The following EPHA6 variants were observed in gnomAD, a reference collection of about 807,000 sequenced individuals.
EPHA6 encodes the protein EPH receptor A6.
In EPHA6, 50 loss-of-function variants were observed where a neutral mutation model predicts 112.0. The ratio of observed to expected loss-of-function variants is 0.45; its 90% CI spans 0.36 to 0.56. EPHA6 has a LOEUF of 0.56. Among genes scored for constraint, EPHA6 ranks in the 20% least tolerant of loss-of-function variants. The probability of loss-of-function intolerance (pLI) is 0.00; values close to 1 mark genes in which losing one functional copy is unlikely to be tolerated. For synonymous variants in EPHA6, 529 were observed against 490.7 expected, an observed-to-expected ratio of 1.08 and a Z score of -1.03; for missense variants, 1,280 against 1,417.4, an observed-to-expected ratio of 0.90 and a Z score of 1.56.
chr3:97,420,446 C>T (rs555570162), intron 6 of EPHA6, among the ~76,000 whole-genome samples: 257 of 152,040 alleles, frequency 1.7e-3, no homozygotes, highest in African/African-American at 6.0e-3. Context: ...TGAAAACTTA[C>T]ACAAACTAGA....
intron 7 of EPHA6, among the ~76,000 whole-genome samples, chr3:97,449,843 A>C (rs1252448174): frequency 6.6e-6 from 1 of 152,106 alleles, no homozygotes; most frequent in Non-Finnish European, 1.5e-5. Context: ...ATAGTTTTTC[A>C]GTTTATCACT....
intron 2 of EPHA6, among the ~76,000 whole-genome samples, chr3:96,893,557 G>T (rs1261616512): frequency 1.3e-5 from 2 of 152,206 alleles, no homozygotes; most frequent in Non-Finnish European, 2.9e-5. Context: ...TTGCACACCA[G>T]TCAGGCGTGT....
intron 11 of EPHA6, among the ~76,000 whole-genome samples, chr3:97,585,987 G>A (rs2093484183): frequency 6.6e-6 from 1 of 152,204 alleles, no homozygotes; most frequent in African/African-American, 2.4e-5. Flanking sequence ...CCCATTCTAA[G>A]CCAAATTGAA....
chr3:97,471,522 G>A (rs1560043512), intron 7 of EPHA6, among the ~76,000 whole-genome samples: 1 of 151,628 alleles, frequency 6.6e-6, no homozygotes, highest in Non-Finnish European at 1.5e-5. Context: ...ATATTTCTGA[G>A]CTTTGGTCCA....
intron 5 of EPHA6, among the ~76,000 whole-genome samples, chr3:97,347,167 T>C (rs1394781526): frequency 6.6e-6 from 1 of 152,170 alleles, no homozygotes; most frequent in Non-Finnish European, 1.5e-5. Flanking sequence ...CTGTAGGATT[T>C]ATCATCCAGA....
chr3:97,021,313 C>T (rs1259929060), intron 3 of EPHA6, among the ~76,000 whole-genome samples: 1 of 152,088 alleles, frequency 6.6e-6, no homozygotes, highest in Non-Finnish European at 1.5e-5. Flanking sequence ...AGGGTCATGG[C>T]TCAGGATGAC....
intron 3 of EPHA6, among the ~76,000 whole-genome samples, chr3:97,149,685 A>G (rs1283830817): frequency 6.6e-6 from 1 of 151,948 alleles, no homozygotes; most frequent in Admixed American, 6.6e-5. Flanking sequence ...CTATATGTTT[A>G]TAACAAATCT....
At chr3:97,065,528 A>G (rs1412825233) in intron 3 of EPHA6, among the ~76,000 whole-genome samples, 1 of 151,994 alleles carries the variant, frequency 6.6e-6, no homozygotes, top group African/African-American at 2.4e-5. Context: ...CTACAATTCA[A>G]CTCATTGCAT....
intron 5 of EPHA6, among the ~76,000 whole-genome samples, chr3:97,305,139 A>G (rs1425866341): frequency 6.6e-6 from 1 of 152,086 alleles, no homozygotes; most frequent in Non-Finnish European, 1.5e-5. Flanking sequence ...AAAGCTCAAC[A>G]TCACTGATCA....
At chr3:96,825,790 A>T (rs1336336298) in intron 1 of EPHA6, among the ~76,000 whole-genome samples, 1 of 151,918 alleles carries the variant, frequency 6.6e-6, no homozygotes, top group Non-Finnish European at 1.5e-5. Flanking sequence ...GAAAACTATC[A>T]ATCTAGTTTC....
chr3:96,948,658 A>G (rs1464985256), intron 2 of EPHA6, among the ~76,000 whole-genome samples: 1 of 152,162 alleles, frequency 6.6e-6, no homozygotes, highest in Admixed American at 6.6e-5. Flanking sequence ...ATCTTCAGGT[A>G]TGCCTCCTTT....
At chr3:96,881,429 A>C (rs141169149) in intron 2 of EPHA6, among the ~76,000 whole-genome samples, 4 of 152,166 alleles carry the variant, frequency 2.6e-5, no homozygotes, top group Non-Finnish European at 4.4e-5. Flanking sequence ...TTAAAAAACT[A>C]TCAGGTCTCC....
At chr3:96,889,602 A>G (rs1390197310) in intron 2 of EPHA6, among the ~76,000 whole-genome samples, 1 of 152,196 alleles carries the variant, frequency 6.6e-6, no homozygotes, top group Non-Finnish European at 1.5e-5. Flanking sequence ...ATCTCCCACC[A>G]GGTTCCTCCC....
At chr3:97,518,413 T>A (rs1241657535) in intron 10 of EPHA6, among the ~76,000 whole-genome samples, 1 of 152,146 alleles carries the variant, frequency 6.6e-6, no homozygotes, top group South Asian at 2.1e-4. Flanking sequence ...TAAATAGTGC[T>A]GCAATAAACA....
chr3:97,213,279 G>A (rs1415359574), intron 3 of EPHA6, among the ~76,000 whole-genome samples: 1 of 152,100 alleles, frequency 6.6e-6, no homozygotes, highest in African/African-American at 2.4e-5. Flanking sequence ...GTGAGAGGAG[G>A]ACAGAGAGAA....
intron 5 of EPHA6, among the ~76,000 whole-genome samples, chr3:97,272,582 G>T (rs1331635779): frequency 2.6e-5 from 4 of 151,946 alleles, no homozygotes; most frequent in Non-Finnish European, 4.4e-5. Flanking sequence ...GGAGCTAGGG[G>T]TAAGGCCGTT....
intron 5 of EPHA6, among the ~76,000 whole-genome samples, chr3:97,341,492 T>A (rs1303661513): frequency 6.6e-6 from 1 of 152,026 alleles, no homozygotes; most frequent in East Asian, 1.9e-4. Flanking sequence ...GTAGCTGGGA[T>A]TACAGGTGCC....
At chr3:97,301,753 A>G (rs777449350) in intron 5 of EPHA6, among the ~76,000 whole-genome samples, 3 of 152,148 alleles carry the variant, frequency 2.0e-5, no homozygotes, top group Non-Finnish European at 2.9e-5. Flanking sequence ...ATCTTTATTT[A>G]GACTATTAAC....
In EPHA6 at chr3:96,940,276, T is replaced by C. The variant is rs577059964; in HGVS notation, c.451-47054T>C. Among the ~76,000 whole-genome samples, 20 of 152,008 alleles carry C rather than the reference T, an allele frequency of 1.3e-4. No individual in the cohort carries two copies. The East Asian group carries it at 3.7e-3, about 28-fold the overall frequency. ...TCTCAAAGGACTTGCTTTATGAATCTGGGTGCTCCTGTATTGGGTGCATAT... is the reference window on the plus strand; with the variant it reads ...TCTCAAAGGACTTGCTTTATGAATCCGGGTGCTCCTGTATTGGGTGCATAT... On this transcript the variant is annotated intron_variant, in intron 2 of 17. Coordinates refer to ENST00000389672, the MANE Select transcript of EPHA6 (RefSeq NM_001080448.3).
Sources: gnomAD v4.1 joint callset for allele counts (sites outside exome capture counted in the v4.1 genomes callset) on GRCh38, gnomAD v4.1.1 for gene constraint, MANE v1.5 for transcripts, NCBI Gene and HGNC (gene_info 2026-07-23, HGNC 2026-07-21) for gene names.